The following ABCC8 variants were observed in gnomAD, a reference collection of about 807,000 sequenced individuals.
The protein encoded by ABCC8 is ATP-binding cassette sub-family C member 8.
Under a neutral mutation model 188.0 loss-of-function variants are expected in ABCC8, and 137 were observed. That is an observed-to-expected ratio of 0.73 (90% CI 0.63 to 0.84). The LOEUF is 0.84. ABCC8 is among the 40% of genes least tolerant of loss of function. The probability of loss-of-function intolerance (pLI) is 0.00; values close to 1 mark genes in which losing one functional copy is unlikely to be tolerated. For missense variants in ABCC8, 1,750 were observed against 2,072.7 expected, an observed-to-expected ratio of 0.84 and a Z score of 3.02; for synonymous variants, 797 against 846.5, an observed-to-expected ratio of 0.94 and a Z score of 1.01.
intron 6 of ABCC8, among the ~76,000 whole-genome samples, chr11:17,454,868 T>G (rs894249033): frequency 1.3e-5 from 2 of 152,174 alleles, no homozygotes; most frequent in Non-Finnish European, 2.9e-5. Flanking sequence ...AGCATCCTAG[T>G]GTCAGTTACA....
At chr11:17,459,998 G>A (rs990907639) in intron 6 of ABCC8, among the ~76,000 whole-genome samples, 1 of 152,166 alleles carries the variant, frequency 6.6e-6, no homozygotes, top group African/African-American at 2.4e-5. Context: ...TTTGGAGTGG[G>A]GAGAGACAAA....
Position 17,397,015 on chromosome 11 carries a change from G to C in ABCC8, c.4020C>G (p.Asp1340Glu), listed in dbSNP as rs764564274. 3.7e-6 allele frequency: 6 copies of C among 1,614,076 alleles called. No homozygotes were observed. The highest frequency in any genetic ancestry group is 5.1e-6 in the Non-Finnish European group (6 of 1,180,032). The change falls in exon 33 of 39, where the codon GAC becomes GAG. Residue 1340 changes from aspartate (D) to glutamate (E), a missense_variant. Asp to Glu is a conservative substitution (Grantham distance 45). Coordinates refer to ENST00000389817, the MANE Select transcript of ABCC8 (RefSeq NM_000352.6). ...GGTTCTGGATCTGGATCTTCCCTTG[G>C]TCTGGCCAGTTCTTTGGGATCAGCG... ...APSLIPKNWP[D>E]QGKIQIQNLS...
At chr11:17,429,177 C>T (rs1955734808) in intron 12 of ABCC8, 1 of 160,986 alleles carries the variant, frequency 6.2e-6, no homozygotes. Flanking sequence ...TCCAGATTTC[C>T]CTGTGGACCT....
intron 29 of ABCC8, among the ~76,000 whole-genome samples, chr11:17,400,134 G>A (rs1954161161): frequency 6.6e-6 from 1 of 152,216 alleles, no homozygotes; most frequent in Non-Finnish European, 1.5e-5. Flanking sequence ...GAAGGTGTTA[G>A]TTCAGCTTTG....
chr11:17,415,297 G>A lies in ABCC8; in HGVS notation c.2291+7C>T, dbSNP rs770152618. 1.4e-5 allele frequency: 22 copies of A among 1,607,794 alleles called. No individual in the cohort carries two copies. Among genetic ancestry groups the A allele is most frequent in the South Asian group, 1.1e-4 (10 of 88,860 alleles). The stretch of plus-strand genomic sequence containing the variant: ...CCCTGGGGGGCAATGTTCCCAGGAC[G>A]CAGTACCTGATATCCAAGTCGGTCG... On this transcript the variant is annotated splice_region_variant and intron_variant, in intron 18 of 38. Coordinates refer to ENST00000389817, the MANE Select transcript of ABCC8 (RefSeq NM_000352.6).
chr11:17,443,635 T>C (rs146107997), intron 8 of ABCC8, among the ~76,000 whole-genome samples: 6 of 152,336 alleles, frequency 3.9e-5, no homozygotes, highest in Non-Finnish European at 7.4e-5. Flanking sequence ...GCACAATGTT[T>C]GTGACAGCAC....
intron 37 of ABCC8, 96 bp from the exon 38 acceptor site, chr11:17,393,855 C>G (rs1016655684): frequency 6.2e-7 from 1 of 1,611,236 alleles, no homozygotes; most frequent in African/African-American, 1.3e-5. Context: ...TGGCTCAGCT[C>G]CCATCTGACC....
chr11:17,414,844 C>G (rs1954989586), intron 18 of ABCC8, among the ~76,000 whole-genome samples: 1 of 152,076 alleles, frequency 6.6e-6, no homozygotes, highest in Non-Finnish European at 1.5e-5. Flanking sequence ...GCCCTACACC[C>G]AGCCTGCCCC....
At chr11:17,407,676 C>T (rs573236171) in intron 23 of ABCC8, among the ~76,000 whole-genome samples, 4 of 152,312 alleles carry the variant, frequency 2.6e-5, no homozygotes, top group Non-Finnish European at 4.4e-5. Context: ...CACTCTTCCC[C>T]TGTTTTTAGT....
intron 10 of ABCC8, among the ~76,000 whole-genome samples, chr11:17,439,536 C>T (rs942309846): frequency 1.3e-5 from 2 of 152,120 alleles, no homozygotes; most frequent in African/African-American, 4.8e-5. Context: ...GGTAAATGAA[C>T]ACGCACTCAA....
chr11:17,450,327 TC>T (rs1956747071), intron 7 of ABCC8, among the ~76,000 whole-genome samples: 10 of 120,744 alleles, frequency 8.3e-5, no homozygotes, highest in Admixed American at 3.4e-4. Flanking sequence ...TCTTTCTTTC[TC>T]TCTCTCTCTT....
rs3214159 is a variant in ABCC8, at chr11:17,412,473, TG to T, written c.2556+192del. Among the ~76,000 whole-genome samples, 74,103 of 151,980 alleles carry T rather than the reference TG, an allele frequency of 0.49. 20,354 individuals are homozygous for T. The highest frequency in any genetic ancestry group is 0.62 in the East Asian group (3,203 of 5,136). ...GCAGAGCTCCATCTGAAGTCTGCAA[TG>T]GGTCATTTGTGCTATCCTTGCCTGC... On this transcript the variant is annotated intron_variant, in intron 21 of 38. Transcript: ENST00000389817.
chr11:17,441,864 G>C (rs1196997781), intron 10 of ABCC8, among the ~76,000 whole-genome samples: 1 of 152,092 alleles, frequency 6.6e-6, no homozygotes, highest in East Asian at 1.9e-4. Flanking sequence ...GGTGGATCAC[G>C]AGGTCAGGAG....
rs751643248 is a variant in ABCC8 at position 17,443,238 on chromosome 11, T to G, written c.1407A>C (p.Leu469=). ...CCACGAAGTACTGGACAGGAGCCAG[T>G]AGAATGATGACAGCTGCTCCAATTA... is the stretch of plus-strand genomic sequence containing the variant. ...SALIGAAVII[L]LAPVQYFVAT... is the part of the protein sequence containing the mutation. Residue 469 remains leucine, a synonymous_variant, in exon 9 of 39, where the codon CTA becomes CTC. Transcript: ENST00000389817. 26 of 1,613,928 alleles carry G rather than the reference T, an allele frequency of 1.6e-5. No homozygotes were observed. Among genetic ancestry groups the G allele is most frequent in the Admixed American group, 3.3e-5 (2 of 59,992 alleles).
Position 17,405,629 on chromosome 11 carries a change from G to C in ABCC8, c.3330-66C>G, listed in dbSNP as rs1213777415. The C allele has an allele frequency of 5.6e-6, 9 of 1,613,122 alleles. No individual in the cohort carries two copies. The African/African-American group carries it at 1.1e-4, about 19-fold the overall frequency. The stretch of plus-strand genomic sequence containing the variant: ...GATTTACTTCCTGTTTACTGAATGA[G>C]ATAGTTAATTATTTCATGTAAGTGT... On this transcript the variant is annotated intron_variant, in intron 26 of 38. Coordinates refer to ENST00000389817, the MANE Select transcript of ABCC8 (RefSeq NM_000352.6).
intron 6 of ABCC8, among the ~76,000 whole-genome samples, chr11:17,459,082 T>G (rs879301928): frequency 6.6e-6 from 1 of 152,206 alleles, no homozygotes; most frequent in Admixed American, 6.5e-5. Flanking sequence ...TGTTATTAAC[T>G]AGCTGAGAGA....
chr11:17,454,919 T>A (rs952582372), intron 6 of ABCC8, among the ~76,000 whole-genome samples: 2 of 152,196 alleles, frequency 1.3e-5, no homozygotes, highest in African/African-American at 2.4e-5. Flanking sequence ...CCCCCCTGGC[T>A]GGTACTGGGT....
chr11:17,465,801 C>T (rs996763872), intron 3 of ABCC8, among the ~76,000 whole-genome samples: 22 of 152,276 alleles, frequency 1.4e-4, no homozygotes, highest in African/African-American at 4.8e-4. Context: ...TCTGTATTCC[C>T]GCTATACCCT....
intron 10 of ABCC8, among the ~76,000 whole-genome samples, chr11:17,438,381 T>C (rs554381600): frequency 1.0e-3 from 110 of 108,622 alleles, no homozygotes; most frequent in Non-Finnish European, 1.2e-3. Flanking sequence ...TCTGACCACA[T>C]GGTCACTATT....
Sources: allele counts gnomAD v4.1 joint callset (sites outside exome capture counted in the v4.1 genomes callset), GRCh38; gene constraint gnomAD v4.1.1; transcripts MANE v1.5; gene names NCBI Gene and HGNC (gene_info 2026-07-23, HGNC 2026-07-21).